Variants in PAK4 observed in about 807,000 individuals in gnomAD.
PAK4 encodes the protein serine/threonine-protein kinase PAK 4.
Under a neutral mutation model 53.5 loss-of-function variants are expected in PAK4, and 49 were observed. The observed-to-expected ratio is 0.92, with a 90% CI of 0.73 to 1.16. The LOEUF is 1.16. PAK4 is among the 50% of genes most tolerant of loss of function. PAK4 has a pLI of 0.00. For synonymous variants in PAK4, 376 were observed against 375.6 expected, an observed-to-expected ratio of 1.00 and a Z score of -0.01; for missense variants, 824 against 850.7, an observed-to-expected ratio of 0.97 and a Z score of 0.39.
intron 1 of PAK4, among the ~76,000 whole-genome samples, chr19:39,155,092 G>T (rs1265222401): frequency 6.6e-6 from 1 of 152,210 alleles, no homozygotes; most frequent in East Asian, 1.9e-4. Context: ...GCGTCTGTCT[G>T]CTGTGTGCCG....
rs773736988 is a variant in PAK4 at position 39,178,495 on chromosome 19, C to A, written c.1692C>A (p.Ala564=). 3.1e-6 allele frequency: 5 copies of A among 1,612,204 alleles called. No individual in the cohort carries two copies. The East Asian group carries it at 1.1e-4, about 36-fold the overall frequency. Residue 564 remains alanine, a synonymous_variant, in exon 9 of 9, where the codon GCC becomes GCA. Transcript: ENST00000358301. This position sits in a 1 kb window ranked among gnomAD's most constrained non-coding sequence, Gnocchi z 4.4. ...ACCCTGCCCAGCGGGCCACGGCAGCCGAGCTGCTGAAGCACCCATTCCTGG... is the reference window on the plus strand; with the variant it reads ...ACCCTGCCCAGCGGGCCACGGCAGCAGAGCTGCTGAAGCACCCATTCCTGG...
At chr19:39,137,253 G>T (rs874535) in intron 1 of PAK4, among the ~76,000 whole-genome samples, 40,939 of 152,096 alleles carry the variant, frequency 0.27, 6,390 homozygotes, top group East Asian at 0.36. Flanking sequence ...CCCATTTGGA[G>T]CCTGGCCTCT....
In PAK4 at chr19:39,161,889, T is replaced by A. The variant is rs2144774475; in HGVS notation, c.-22-7643T>A. Among the ~76,000 whole-genome samples, 1 of 152,074 alleles carries A rather than the reference T, an allele frequency of 6.6e-6. No homozygotes were observed. The highest frequency in any genetic ancestry group is 1.9e-4 in the East Asian group (1 of 5,172). ...CCCTACATGGCTCCCTCTCCCCTCC[T>A]CACGCAGGTCCCTGCTCACGTGTCC... On this transcript the variant is annotated intron_variant, in intron 1 of 8. Transcript: ENST00000358301. This position sits in a 1 kb window ranked among gnomAD's most constrained non-coding sequence, Gnocchi z 4.5.
intron 1 of PAK4, among the ~76,000 whole-genome samples, chr19:39,129,139 G>C (rs953183392): frequency 2.6e-5 from 4 of 152,096 alleles, no homozygotes; most frequent in African/African-American, 9.7e-5. Flanking sequence ...TAACTCCTGG[G>C]CTCAAGCTAT....
At chr19:39,129,902 A>G (rs1485114951) in intron 1 of PAK4, among the ~76,000 whole-genome samples, 1 of 152,058 alleles carries the variant, frequency 6.6e-6, no homozygotes, top group African/African-American at 2.4e-5. Context: ...AAGTTGGAGG[A>G]TGGGTGAGGC....
At chr19:39,167,693 C>A (rs1481582704) in intron 1 of PAK4, among the ~76,000 whole-genome samples, 1 of 152,170 alleles carries the variant, frequency 6.6e-6, no homozygotes, top group Non-Finnish European at 1.5e-5. Context: ...ACCCCCCTCC[C>A]ACGGGGCTCC....
rs543496246 is a variant in PAK4, at chr19:39,173,538, G to A, written c.664-38G>A. The A allele has an allele frequency of 2.2e-5, 32 of 1,477,146 alleles. No individual in the cohort carries two copies. In the South Asian group the frequency reaches 3.8e-4, roughly 17 times the overall value. The allele number at this position is 1,477,146 out of a possible 1,614,324, so 91.5% of individuals were successfully genotyped here. A position where few individuals can be genotyped will look rare whatever the true frequency, so the allele number is the denominator to read the frequency against. On this transcript the variant is annotated intron_variant, in intron 3 of 8. Transcript: ENST00000358301. The surrounding 1 kb of genome is among the most constrained non-coding windows in gnomAD (Gnocchi z 6.9). Reference sequence around the variant, plus strand: ...TGCTTAGGGAGCAGAGCTGCTCCCTGGCACCCATCACTGACAGCTACCTCT... The same window carrying A: ...TGCTTAGGGAGCAGAGCTGCTCCCTAGCACCCATCACTGACAGCTACCTCT...
intron 1 of PAK4, among the ~76,000 whole-genome samples, chr19:39,140,465 C>T (rs2073891246): frequency 6.6e-6 from 1 of 152,218 alleles, no homozygotes; most frequent in African/African-American, 2.4e-5. Context: ...CTCTGACATG[C>T]CCTGTGACAC....
chr19:39,176,498 G>A, intron 6 of PAK4, 92 bp from the exon 8 acceptor site: 1 of 1,553,226 alleles, frequency 6.4e-7, no homozygotes, highest in Non-Finnish European at 8.8e-7. Context: ...CGCACATTGT[G>A]TCTGAAGCCA....
intron 1 of PAK4, among the ~76,000 whole-genome samples, chr19:39,154,683 T>C (rs2074147228): frequency 6.6e-6 from 1 of 152,180 alleles, no homozygotes; most frequent in Non-Finnish European, 1.5e-5. Context: ...TCGTTTCCTG[T>C]GGCTGTCCAG....
downstream of PAK4, chr19:39,181,748 C>T (rs1335904114): frequency 6.6e-6 from 1 of 152,292 alleles, no homozygotes; most frequent in Non-Finnish European, 1.5e-5. Flanking sequence ...TTTAGTTGAC[C>T]AGCTGAGGCA....
chr19:39,155,380 G>GGCAT (rs2074161519), intron 1 of PAK4, among the ~76,000 whole-genome samples: 1 of 152,148 alleles, frequency 6.6e-6, no homozygotes, highest in Admixed American at 6.5e-5. Flanking sequence ...GCTCAGGGCT[G>GGCAT]GCATGGGGAG....
intron 1 of PAK4, among the ~76,000 whole-genome samples, chr19:39,140,219 C>A (rs2073888051): frequency 6.6e-6 from 1 of 152,106 alleles, no homozygotes; most frequent in African/African-American, 2.4e-5. Flanking sequence ...GCAGAAACTT[C>A]CCAGATTTCT....
chr19:39,159,866 G>A (rs1887886411), intron 1 of PAK4, among the ~76,000 whole-genome samples: 1 of 152,224 alleles, frequency 6.6e-6, no homozygotes, highest in South Asian at 2.1e-4. Context: ...CACAGACGCT[G>A]CTGAATCCAG....
intron 1 of PAK4, among the ~76,000 whole-genome samples, chr19:39,157,590 G>A (rs1040427303): frequency 2.6e-5 from 4 of 152,308 alleles, no homozygotes; most frequent in Admixed American, 6.5e-5. Flanking sequence ...TCTGGGGCAC[G>A]CTCTGCTGGT....
chr19:39,129,739 A>G (rs2145092048), intron 1 of PAK4, among the ~76,000 whole-genome samples: 1 of 151,032 alleles, frequency 6.6e-6, no homozygotes, highest in South Asian at 2.1e-4. Flanking sequence ...GAAAGGATGG[A>G]AGGGCTTTCA....
downstream of PAK4, chr19:39,180,979 C>G (rs1213181212): frequency 1.3e-5 from 2 of 152,260 alleles, no homozygotes; most frequent in Non-Finnish European, 2.9e-5. Flanking sequence ...CTGAAGAAAC[C>G]ACGGGCTCAG....
At chr19:39,139,046 C>T (rs1334977292) in intron 1 of PAK4, among the ~76,000 whole-genome samples, 1 of 152,186 alleles carries the variant, frequency 6.6e-6, no homozygotes, top group Non-Finnish European at 1.5e-5. Flanking sequence ...TCACATCATC[C>T]CCCACAGCCC....
At chr19:39,146,965 G>A (rs1395787753) in intron 1 of PAK4, among the ~76,000 whole-genome samples, 3 of 151,756 alleles carry the variant, frequency 2.0e-5, no homozygotes, top group African/African-American at 7.3e-5. Flanking sequence ...ACAGAGAGGA[G>A]GTCTGGCGCA....
Sources: gnomAD v4.1 joint callset for allele counts (sites outside exome capture counted in the v4.1 genomes callset) on GRCh38, gnomAD v4.1.1 for gene constraint, Gnocchi (gnomAD v3.1) non-coding constraint, MANE v1.5 for transcripts, NCBI Gene and HGNC (gene_info 2026-07-23, HGNC 2026-07-21) for gene names.